NOVA1: variants seen among roughly 807,000 people sequenced by gnomAD.
The protein encoded by NOVA1 is NOVA alternative splicing regulator 1, also known as RNA-binding protein Nova-1.
NOVA1 carries 7 observed loss-of-function variants against 38.0 expected under a neutral mutation model. The observed-to-expected ratio is 0.18, with a 90% CI of 0.10 to 0.35. The LOEUF is 0.35. Among genes scored for constraint, NOVA1 ranks in the 10% least tolerant of loss-of-function variants. NOVA1 has a pLI of 1.00. For synonymous variants in NOVA1, 270 were observed against 232.5 expected (o/e 1.16, Z -1.47); for missense variants, 460 against 616.0 (o/e 0.75, Z 2.68).
chr14:26,557,115 CTT>C (rs1891535526), intron 2 of NOVA1, among the ~76,000 whole-genome samples: 1 of 152,158 alleles, frequency 6.6e-6, no homozygotes, highest in Non-Finnish European at 1.5e-5. Flanking sequence ...TGGATTCAAA[CTT>C]ACTGCAATAA....
chr14:26,457,234 C>T (rs919765744), intron 4 of NOVA1, among the ~76,000 whole-genome samples: 15 of 152,006 alleles, frequency 9.9e-5, no homozygotes, highest in African/African-American at 3.6e-4. Flanking sequence ...ATTTATTGCA[C>T]AATTATTTAT....
intron 2 of NOVA1, among the ~76,000 whole-genome samples, chr14:26,511,275 A>G (rs958225822): frequency 4.6e-5 from 7 of 151,990 alleles, no homozygotes; most frequent in African/African-American, 1.7e-4. Flanking sequence ...ATACTAAAAA[A>G]AATTATTTCA....
chr14:26,481,926 T>G (rs1392560023), intron 2 of NOVA1, among the ~76,000 whole-genome samples: 1 of 148,298 alleles, frequency 6.7e-6, no homozygotes, highest in Non-Finnish European at 1.5e-5. Context: ...ACATTCTTGT[T>G]TTTGGAGACA....
At chr14:26,587,507 T>G (rs1347750000) in intron 2 of NOVA1, among the ~76,000 whole-genome samples, 1 of 151,182 alleles carries the variant, frequency 6.6e-6, no homozygotes, top group Non-Finnish European at 1.5e-5. Flanking sequence ...AAGAGACAGC[T>G]TCCAGGCAGA....
rs148098580 is a variant in NOVA1, at chr14:26,489,354, A to G, written c.281-9211T>C. Among the ~76,000 whole-genome samples the G allele has an allele frequency of 1.8e-3, 272 of 152,276 alleles. 1 individual carries two copies. Among genetic ancestry groups the G allele is most frequent in the African/African-American group, 6.2e-3 (258 of 41,552 alleles). ...AATCAGTGAATAATCAATGAATATCATATCACTGACTACATGCACTATATC... is the reference window on the plus strand; with the variant it reads ...AATCAGTGAATAATCAATGAATATCGTATCACTGACTACATGCACTATATC... On this transcript the variant is annotated intron_variant, in intron 2 of 4. Transcript: ENST00000539517.
At chr14:26,508,970 G>A (rs531146409) in intron 2 of NOVA1, among the ~76,000 whole-genome samples, 4 of 151,836 alleles carry the variant, frequency 2.6e-5, no homozygotes, top group Admixed American at 2.6e-4. Flanking sequence ...ATAAAGGAAA[G>A]AAAAAAAGCA....
intron 2 of NOVA1, among the ~76,000 whole-genome samples, chr14:26,534,946 A>G (rs1889966256): frequency 6.6e-6 from 1 of 152,190 alleles, no homozygotes; most frequent in African/African-American, 2.4e-5. Flanking sequence ...AAGGAACCAG[A>G]CCTGTTGAGG....
chr14:26,522,479 G>C (rs1888969200), intron 2 of NOVA1, among the ~76,000 whole-genome samples: 1 of 151,990 alleles, frequency 6.6e-6, no homozygotes, highest in Non-Finnish European at 1.5e-5. Flanking sequence ...AAATGCTGTT[G>C]GCCTGGTAAC....
intron 2 of NOVA1, among the ~76,000 whole-genome samples, chr14:26,485,409 T>TA (rs1261753933): frequency 6.6e-6 from 1 of 152,260 alleles, no homozygotes; most frequent in East Asian, 1.9e-4. Context: ...ATTTATCATT[T>TA]AAAAAGGGCA....
At chr14:26,485,919 ACAAT>A (rs1226759288) in intron 2 of NOVA1, among the ~76,000 whole-genome samples, 11 of 152,200 alleles carry the variant, frequency 7.2e-5, no homozygotes, top group Non-Finnish European at 1.5e-4. Context: ...CACTTCTATG[ACAAT>A]CTATAGCAAT....
At chr14:26,504,040 C>T (rs1887444074) in intron 2 of NOVA1, among the ~76,000 whole-genome samples, 1 of 152,034 alleles carries the variant, frequency 6.6e-6, no homozygotes, top group Non-Finnish European at 1.5e-5. Context: ...TAAAACATGA[C>T]ATTTTCTGAA....
rs113925768 is a variant in NOVA1 at position 26,563,377 on chromosome 14, A to G, written c.280+32033T>C. The stretch of plus-strand genomic sequence containing the variant: ...GGGCAGGGGAAGTAAAAAATCAGAG[A>G]AACAGTAAGAACTTTTAGAAAATGA... On this transcript the variant is annotated intron_variant, in intron 2 of 4. Transcript: ENST00000539517. Among the ~76,000 whole-genome samples, 1,249 of 152,008 alleles carry G rather than the reference A, an allele frequency of 8.2e-3. 17 individuals carry two copies. The highest frequency in any genetic ancestry group is 0.027 in the African/African-American group (1,140 of 41,516).
At chr14:26,485,441 C>T (rs924046694) in intron 2 of NOVA1, among the ~76,000 whole-genome samples, 3 of 152,016 alleles carry the variant, frequency 2.0e-5, no homozygotes, top group East Asian at 1.9e-4. Flanking sequence ...TTTTTTGAGA[C>T]AGGTACTAGG....
chr14:26,453,204 G>T (rs142430834), intron 4 of NOVA1, among the ~76,000 whole-genome samples: 1,998 of 110,548 alleles, frequency 0.018, 29 homozygotes, highest in East Asian at 0.049. Context: ...ATGTATGTAT[G>T]TATGTATTTA....
chr14:26,567,634 A>G (rs1892217082), intron 2 of NOVA1, among the ~76,000 whole-genome samples: 1 of 152,102 alleles, frequency 6.6e-6, no homozygotes, highest in Non-Finnish European at 1.5e-5. Flanking sequence ...TGGTTAGAGC[A>G]TCCCAATCTG....
At chr14:26,530,369 C>A (rs557654588) in intron 2 of NOVA1, among the ~76,000 whole-genome samples, 2 of 152,066 alleles carry the variant, frequency 1.3e-5, no homozygotes, top group South Asian at 4.2e-4. Flanking sequence ...AAAGTATCAA[C>A]CCGGAAAGAT....
chr14:26,483,377 CATCAGTA>C (rs368444163), intron 2 of NOVA1, among the ~76,000 whole-genome samples: 1 of 152,218 alleles, frequency 6.6e-6, no homozygotes, highest in African/African-American at 2.4e-5. Context: ...TGAATATTCC[CATCAGTA>C]GGAAATATGT....
chr14:26,512,565 T>C (rs1206494252), intron 2 of NOVA1, among the ~76,000 whole-genome samples: 2 of 152,192 alleles, frequency 1.3e-5, no homozygotes, highest in Admixed American at 1.3e-4. Flanking sequence ...AATTATGTAA[T>C]GTTAATTACA....
At chr14:26,591,242 T>C (rs1411991986) in intron 2 of NOVA1, among the ~76,000 whole-genome samples, 2 of 151,584 alleles carry the variant, frequency 1.3e-5, no homozygotes, top group South Asian at 2.1e-4. Context: ...ACTGTAGATA[T>C]AGAGATAAAA....
Sources: gnomAD v4.1 joint callset for allele counts (sites outside exome capture counted in the v4.1 genomes callset) on GRCh38, gnomAD v4.1.1 for gene constraint, MANE v1.5 for transcripts, NCBI Gene and HGNC (gene_info 2026-07-23, HGNC 2026-07-21) for gene names.